PRR5L: variants seen among roughly 807,000 people sequenced by gnomAD.
The protein encoded by PRR5L is proline-rich protein 5-like.
PRR5L carries 21 observed loss-of-function variants against 36.4 expected under a neutral mutation model. The observed-to-expected ratio is 0.58, with a 90% confidence interval of 0.41 to 0.83. The LOEUF is 0.83. Ranked by LOEUF, PRR5L falls within the 40% of genes least tolerant of loss-of-function variation. The probability of loss-of-function intolerance (pLI) is 0.00; values close to 1 mark genes in which losing one functional copy is unlikely to be tolerated. For missense variants in PRR5L, 381 were observed against 473.3 expected, an observed-to-expected ratio of 0.80 and a Z score of 1.81; for synonymous variants, 188 against 197.0, an observed-to-expected ratio of 0.95 and a Z score of 0.38.
chr11:36,395,362 A>C (rs1254949217), intron 1 of PRR5L, among the ~76,000 whole-genome samples: 5 of 152,282 alleles, frequency 3.3e-5, no homozygotes, highest in Non-Finnish European at 7.3e-5. Context: ...GATATTAATA[A>C]GAATGTGTGT....
rs528582337 is a variant in PRR5L at position 36,432,357 on chromosome 11, G to C, written c.352+447G>C. On this transcript the variant is annotated intron_variant, in intron 5 of 8. Transcript: ENST00000530639. ...AGTCCTGTCCATTTGCAGGACATTA[G>C]GCTAAGCAGGCACTCACTCAATAGG... is the stretch of plus-strand genomic sequence containing the variant. 2.0e-5 allele frequency among the ~76,000 whole-genome samples: 3 copies of C among 152,250 alleles called. No homozygotes were observed. In the South Asian group the frequency reaches 6.2e-4, roughly 32 times the overall value.
At chr11:36,444,951 C>G (rs1858796919) in intron 6 of PRR5L, among the ~76,000 whole-genome samples, 1 of 152,196 alleles carries the variant, frequency 6.6e-6, no homozygotes, top group African/African-American at 2.4e-5. Context: ...AGAGGTAGTA[C>G]CAACTGGCCA....
At position 36,300,198 on chromosome 11, in the gene PRR5L, T is replaced by G. The variant is rs191516472; in HGVS notation, c.-126+3760T>G. The stretch of plus-strand genomic sequence containing the variant: ...TAATTTTTAAAGAAAAGAGGTTTAT[T>G]TGGCTCACGTTTCTGCAGGCTGTAC... On this transcript the variant is annotated intron_variant, in intron 1 of 8. Coordinates refer to ENST00000530639, the MANE Select transcript of PRR5L (RefSeq NM_001160167.2). Among the ~76,000 whole-genome samples the G allele has an allele frequency of 3.3e-3, 497 of 152,318 alleles. 3 individuals carry two copies. Among genetic ancestry groups the G allele is most frequent in the African/African-American group, 0.011 (471 of 41,572 alleles).
intron 1 of PRR5L, among the ~76,000 whole-genome samples, chr11:36,397,067 CTTTTTTTTTTTTT>C (rs11300346): frequency 7.7e-6 from 1 of 130,646 alleles, no homozygotes; most frequent in Non-Finnish European, 1.6e-5. Flanking sequence ...GTTTTCTTTT[CTTTTTTTTTTTTT>C]TTTTTGAGAT....
rs1318233433 is a variant in PRR5L at position 36,463,743 on chromosome 11, G to GA, written c.*1011dup. The GA allele has an allele frequency of 1.3e-5, 2 of 152,484 alleles. No individual in the cohort carries two copies. Among genetic ancestry groups the GA allele is most frequent in the African/African-American group, 2.4e-5 (1 of 41,422 alleles). 9.4% of individuals were successfully genotyped at this position (152,484 alleles called of 1,614,324 possible). ...CTAAAAACACAAGCAGAGCTCCTGG[G>GA]AAAAGAGACTGGAAGTGGTTCAGGA... On this transcript the variant is annotated 3_prime_UTR_variant, in exon 9 of 9. Transcript: ENST00000530639.
intron 1 of PRR5L, among the ~76,000 whole-genome samples, chr11:36,327,475 T>C (rs1225564624): frequency 3.3e-5 from 5 of 152,194 alleles, no homozygotes; most frequent in Non-Finnish European, 7.3e-5. Context: ...TGAAAGAAAT[T>C]ATTTTACCCA....
intron 8 of PRR5L, among the ~76,000 whole-genome samples, chr11:36,456,479 T>C (rs1859061027): frequency 6.6e-6 from 1 of 152,190 alleles, no homozygotes; most frequent in African/African-American, 2.4e-5. Flanking sequence ...CCATCTGAAA[T>C]AGGCTTTGTG....
At chr11:36,395,030 C>T (rs751071157) in intron 1 of PRR5L, among the ~76,000 whole-genome samples, 1 of 152,072 alleles carries the variant, frequency 6.6e-6, no homozygotes, top group Non-Finnish European at 1.5e-5. Flanking sequence ...TATTTCTAGG[C>T]TCTGGTGGGG....
chr11:36,320,061 G>C (rs1856597923), intron 1 of PRR5L, among the ~76,000 whole-genome samples: 1 of 152,086 alleles, frequency 6.6e-6, no homozygotes, highest in Non-Finnish European at 1.5e-5. Context: ...GTATTCAGCA[G>C]GTGCCCTGCA....
chr11:36,453,296 T>C (rs114578877), intron 8 of PRR5L, among the ~76,000 whole-genome samples: 1,805 of 152,328 alleles, frequency 0.012, 38 homozygotes, highest in African/African-American at 0.041. Flanking sequence ...TAAATCCTTA[T>C]GCCCAAGAGG....
chr11:36,368,673 G>T (rs943274686), intron 1 of PRR5L, among the ~76,000 whole-genome samples: 8 of 152,336 alleles, frequency 5.3e-5, no homozygotes, highest in African/African-American at 1.4e-4. Context: ...ATTGAATGCA[G>T]AAGTCAGTAG....
At chr11:36,380,703 CT>C (rs1857353095) in intron 1 of PRR5L, 1 of 152,150 alleles carries the variant, frequency 6.6e-6, no homozygotes, top group Admixed American at 6.5e-5. Context: ...TTTAAGCTGA[CT>C]TTTTTAAAAA....
At chr11:36,398,092 C>G (rs1260268923) in intron 1 of PRR5L, among the ~76,000 whole-genome samples, 1 of 152,190 alleles carries the variant, frequency 6.6e-6, no homozygotes, top group East Asian at 1.9e-4. Context: ...TGAGCTTAGT[C>G]TTGAGGATAT....
intron 8 of PRR5L, among the ~76,000 whole-genome samples, chr11:36,459,868 A>G (rs961801907): frequency 6.6e-6 from 1 of 152,042 alleles, no homozygotes; most frequent in Non-Finnish European, 1.5e-5. Context: ...GGTCACATTT[A>G]CTCGGAGGGC....
intron 3 of PRR5L, among the ~76,000 whole-genome samples, chr11:36,413,114 G>A (rs34636059): frequency 0.13 from 19,590 of 152,018 alleles, 1,358 homozygotes; most frequent in African/African-American, 0.17. Flanking sequence ...ATAAACCAAT[G>A]CAAGCAGAAT....
At chr11:36,346,264 G>A (rs1044333549) in intron 1 of PRR5L, among the ~76,000 whole-genome samples, 1 of 152,016 alleles carries the variant, frequency 6.6e-6, no homozygotes, top group Non-Finnish European at 1.5e-5. Context: ...ATGAGCCACC[G>A]GCCCAGCCTT....
chr11:36,444,890 T>G (rs1858795399), intron 6 of PRR5L, among the ~76,000 whole-genome samples: 1 of 152,238 alleles, frequency 6.6e-6, no homozygotes, highest in Non-Finnish European at 1.5e-5. Flanking sequence ...TGCTGCCTAA[T>G]GCTGGCTCTC....
At chr11:36,388,778 A>G (rs1857506334) in intron 1 of PRR5L, among the ~76,000 whole-genome samples, 1 of 140,380 alleles carries the variant, frequency 7.1e-6, no homozygotes, top group African/African-American at 2.7e-5. Flanking sequence ...GGCTCACTGC[A>G]AGCTCCGCCT....
intron 4 of PRR5L, chr11:36,425,474 T>C (rs892029907): frequency 6.6e-6 from 1 of 152,256 alleles, no homozygotes; most frequent in Non-Finnish European, 1.5e-5. Flanking sequence ...TTATTTGTTG[T>C]TGTTTTCGTT....
Sources: gnomAD v4.1 joint callset for allele counts (sites outside exome capture counted in the v4.1 genomes callset) on GRCh38, gnomAD v4.1.1 for gene constraint, MANE v1.5 for transcripts, NCBI Gene and HGNC (gene_info 2026-07-23, HGNC 2026-07-21) for gene names.